Variants in NRXN1 observed in about 807,000 individuals in gnomAD.
NRXN1 encodes the protein neurexin-1.
Under a neutral mutation model 150.9 loss-of-function variants are expected in NRXN1, and 39 were observed. The ratio of observed to expected loss-of-function variants is 0.26; its 90% CI spans 0.20 to 0.34. The LOEUF is 0.34. NRXN1 is among the 10% of genes least tolerant of loss of function. The pLI, the probability that NRXN1 is intolerant of heterozygous loss-of-function variation, is 1.00. For missense variants in NRXN1, 1,815 were observed against 1,949.9 expected (o/e 0.93, Z 1.30); for synonymous variants, 924 against 757.0 (o/e 1.22, Z -3.62).
intron 4 of NRXN1, 26 bp downstream of exon 4, chr2:50,922,632 G>C (rs753383599): frequency 6.2e-7 from 1 of 1,608,170 alleles, no homozygotes; most frequent in African/African-American, 1.3e-5. Flanking sequence ...ACTGAAAGCA[G>C]AGTGGAAAAG....
rs1670966480 is a variant in NRXN1 at position 51,028,391 on chromosome 2, G to A, written c.-118C>T. On this transcript the variant is annotated 5_prime_UTR_variant, in exon 2 of 23. Transcript: ENST00000401669. ...CAGAAAGGTAAGGGGAAAGGCGGGA[G>A]TGAGAGGGATGTGCCCTCCTTTATC... 3.2e-6 allele frequency: 2 copies of A among 622,602 alleles called. No homozygotes were observed. 38.6% of individuals were successfully genotyped at this position (622,602 alleles called of 1,614,324 possible).
At chr2:50,307,710 C>T (rs1298719903) in intron 17 of NRXN1, among the ~76,000 whole-genome samples, 1 of 152,116 alleles carries the variant, frequency 6.6e-6, no homozygotes, top group Non-Finnish European at 1.5e-5. Flanking sequence ...TCCTGACTTA[C>T]TCTCAACTGC....
At chr2:50,124,190 G>A (rs745694270) in intron 18 of NRXN1, among the ~76,000 whole-genome samples, 4 of 152,050 alleles carry the variant, frequency 2.6e-5, no homozygotes, top group African/African-American at 7.2e-5. Context: ...AATGATCAAC[G>A]ATATAAAATG....
At chr2:50,590,758 A>G (rs533679124) in intron 8 of NRXN1, among the ~76,000 whole-genome samples, 2 of 152,304 alleles carry the variant, frequency 1.3e-5, no homozygotes, top group East Asian at 3.9e-4. Context: ...GGCCCTCACC[A>G]GACACTGAAT....
intron 18 of NRXN1, among the ~76,000 whole-genome samples, chr2:50,114,038 A>G (rs886696398): frequency 1.3e-5 from 2 of 152,090 alleles, no homozygotes; most frequent in Admixed American, 1.3e-4. Flanking sequence ...TACAAACTGA[A>G]CCCTAAAATT....
At chr2:50,638,196 A>C (rs2194385) in intron 5 of NRXN1, among the ~76,000 whole-genome samples, 76,901 of 151,878 alleles carry the variant, frequency 0.51, 19,660 homozygotes, top group East Asian at 0.65. Flanking sequence ...AACTTTCTAC[A>C]AGAGTATATT....
chr2:51,006,384 G>T (rs1396566200), intron 2 of NRXN1, among the ~76,000 whole-genome samples: 1 of 150,960 alleles, frequency 6.6e-6, no homozygotes, highest in Non-Finnish European at 1.5e-5. Flanking sequence ...ATCACATACC[G>T]GGGACTGTTG....
chr2:50,881,715 A>G (rs1052877316), intron 5 of NRXN1, among the ~76,000 whole-genome samples: 3 of 151,996 alleles, frequency 2.0e-5, no homozygotes, highest in Admixed American at 1.3e-4. Flanking sequence ...GCTTATCAAT[A>G]GATTTAAATG....
chr2:50,936,705 CG>C (rs1027105313), intron 2 of NRXN1, among the ~76,000 whole-genome samples: 27 of 151,988 alleles, frequency 1.8e-4, no homozygotes, highest in South Asian at 8.3e-4. Context: ...AAAGTGTCAT[CG>C]TTTTTTTAAT....
chr2:50,504,120 G>A (rs77433908), intron 13 of NRXN1, among the ~76,000 whole-genome samples: 3,140 of 123,954 alleles, frequency 0.025, 119 homozygotes, highest in African/African-American at 0.1. Context: ...GATTAAAGGA[G>A]GCTAAAGAAA....
intron 17 of NRXN1, among the ~76,000 whole-genome samples, chr2:50,411,395 G>T (rs973957508): frequency 6.6e-6 from 1 of 152,080 alleles, no homozygotes; most frequent in Non-Finnish European, 1.5e-5. Context: ...CCTCCCAGCC[G>T]CCTGCCTTGG....
Position 50,500,065 on chromosome 2 carries a change from G to C in NRXN1, c.2498-2351C>G, listed in dbSNP as rs189274594. 3.8e-3 allele frequency among the ~76,000 whole-genome samples: 577 copies of C among 151,402 alleles called. 14 individuals carry two copies. Among genetic ancestry groups the C allele is most frequent in the Admixed American group, 0.032 (493 of 15,216 alleles). On this transcript the variant is annotated intron_variant, in intron 13 of 22. Transcript: ENST00000401669. Reference sequence around the variant, plus strand: ...TGACCCCTACCCTGATCCTGAAACTGTCATGTTTCATCTTAAAGTCTCTAT... The same window carrying C: ...TGACCCCTACCCTGATCCTGAAACTCTCATGTTTCATCTTAAAGTCTCTAT...
intron 18 of NRXN1, among the ~76,000 whole-genome samples, chr2:50,102,839 T>G (rs1356688999): frequency 1.3e-5 from 2 of 152,232 alleles, no homozygotes; most frequent in Non-Finnish European, 2.9e-5. Flanking sequence ...ATATGTGGAC[T>G]CTTTATAGCT....
At chr2:50,825,239 C>G (rs1435387644) in intron 5 of NRXN1, among the ~76,000 whole-genome samples, 1 of 152,134 alleles carries the variant, frequency 6.6e-6, no homozygotes, top group Non-Finnish European at 1.5e-5. Context: ...GGTCTTCACT[C>G]CCTTCTCCTG....
intron 17 of NRXN1, among the ~76,000 whole-genome samples, chr2:50,375,103 T>C (rs975076959): frequency 6.6e-6 from 1 of 152,182 alleles, no homozygotes; most frequent in Non-Finnish European, 1.5e-5. Flanking sequence ...ATATATTTTC[T>C]ATATATACAC....
intron 19 of NRXN1, among the ~76,000 whole-genome samples, chr2:50,073,336 G>T (rs1268048778): frequency 6.6e-6 from 1 of 152,174 alleles, no homozygotes; most frequent in Non-Finnish European, 1.5e-5. Flanking sequence ...CATAAGTCCA[G>T]ACACATAGCC....
intron 5 of NRXN1, among the ~76,000 whole-genome samples, chr2:50,785,242 ACT>A (rs1491572752): frequency 8.5e-6 from 1 of 118,290 alleles, no homozygotes; most frequent in Non-Finnish European, 1.9e-5. Context: ...GAGAAAATAC[ACT>A]TTTTTTTTTT....
At chr2:50,741,467 T>C (rs1198091965) in intron 5 of NRXN1, among the ~76,000 whole-genome samples, 1 of 152,218 alleles carries the variant, frequency 6.6e-6, no homozygotes, top group Non-Finnish European at 1.5e-5. Context: ...TATCAGAAGT[T>C]GAGGATCACT....
chr2:50,858,426 A>G (rs1006240689), intron 5 of NRXN1, among the ~76,000 whole-genome samples: 1 of 152,208 alleles, frequency 6.6e-6, no homozygotes, highest in South Asian at 2.1e-4. Flanking sequence ...TTGGAAAAAA[A>G]AATCTGAATT....
Sources: allele counts gnomAD v4.1 joint callset (sites outside exome capture counted in the v4.1 genomes callset), GRCh38; gene constraint gnomAD v4.1.1; transcripts MANE v1.5; gene names NCBI Gene and HGNC (gene_info 2026-07-23, HGNC 2026-07-21).